Variants in PRKN observed in about 807,000 individuals in gnomAD.
The protein encoded by PRKN is E3 ubiquitin-protein ligase parkin.
PRKN carries 56 observed loss-of-function variants against 59.5 expected under a neutral mutation model. The observed-to-expected ratio is 0.94, with a 90% CI of 0.76 to 1.18. PRKN has a LOEUF of 1.18. Ranked by LOEUF, PRKN falls within the 50% of genes most tolerant of loss-of-function variation. PRKN has a pLI of 0.00. For synonymous variants in PRKN, 250 were observed against 222.1 expected (o/e 1.13, Z -1.12); for missense variants, 657 against 596.4 (o/e 1.10, Z -1.06).
chr6:161,807,537 A>G (rs927110126), intron 6 of PRKN, among the ~76,000 whole-genome samples: 5 of 152,228 alleles, frequency 3.3e-5, no homozygotes, highest in African/African-American at 9.6e-5. Flanking sequence ...TAGAAAGTCA[A>G]AAACCAAAGG....
chr6:162,650,342 A>C (rs1331905348), intron 1 of PRKN, among the ~76,000 whole-genome samples: 1 of 152,126 alleles, frequency 6.6e-6, no homozygotes. Flanking sequence ...TCACGCCTGT[A>C]ATCCCAGCAC....
chr6:161,368,016 C>T (rs917294331), intron 10 of PRKN, among the ~76,000 whole-genome samples: 1 of 152,016 alleles, frequency 6.6e-6, no homozygotes, highest in African/African-American at 2.4e-5. Flanking sequence ...CCCCTGCAGC[C>T]TTGATTTCTT....
At chr6:161,969,543 G>T (rs1780719941) in intron 6 of PRKN, among the ~76,000 whole-genome samples, 1 of 152,052 alleles carries the variant, frequency 6.6e-6, no homozygotes, top group South Asian at 2.1e-4. Context: ...CCTAGAGGTG[G>T]TTAGTGAGGG....
intron 1 of PRKN, among the ~76,000 whole-genome samples, chr6:162,502,090 T>C (rs1793402170): frequency 1.3e-5 from 2 of 152,194 alleles, no homozygotes; most frequent in South Asian, 4.1e-4. Flanking sequence ...AGTTAAAATA[T>C]ATGTACACTT....
Position 161,882,397 on chromosome 6 carries a change from G to C in PRKN, c.734+90905C>G, listed in dbSNP as rs568685201. On this transcript the variant is annotated intron_variant, in intron 6 of 11. Coordinates refer to ENST00000366898, the MANE Select transcript of PRKN (RefSeq NM_004562.3). Reference sequence around the variant, plus strand: ...AGGTGGTGCGGCCCTCCAGGGAGGGGAGGCTGCGGCAGGCAGTGAGCCGCC... The same window carrying C: ...AGGTGGTGCGGCCCTCCAGGGAGGGCAGGCTGCGGCAGGCAGTGAGCCGCC... 5.3e-5 allele frequency among the ~76,000 whole-genome samples: 8 copies of C among 152,268 alleles called. No homozygotes were observed. In the South Asian group the frequency reaches 1.7e-3, roughly 32 times the overall value.
intron 1 of PRKN, among the ~76,000 whole-genome samples, chr6:162,619,694 CT>C (rs879725511): frequency 5.3e-5 from 6 of 112,810 alleles, no homozygotes; most frequent in Admixed American, 4.5e-4. Flanking sequence ...GGTATCTATC[CT>C]TTCACTTTTT....
chr6:161,352,755 G>GCATATATATATATA lies in PRKN; in HGVS notation c.1286-2545_1286-2544insTATATATATATATG, dbSNP rs1784600902. On this transcript the variant is annotated intron_variant, in intron 11 of 11. Transcript: ENST00000366898. This position sits in a 1 kb window ranked among gnomAD's most constrained non-coding sequence, Gnocchi z 5.8. ...TGTGTGTGTGTGTGTGTGTGTGTGT[G>GCATATATATATATA]TATATATATATATATATTTTATTTT... is the stretch of plus-strand genomic sequence containing the variant. Among the ~76,000 whole-genome samples the GCATATATATATATA allele has an allele frequency of 7.4e-6, 1 of 134,378 alleles. No homozygotes were observed. The highest frequency in any genetic ancestry group is 2.8e-5 in the African/African-American group (1 of 35,726). 88.2% of individuals were successfully genotyped at this position (134,378 alleles called of 152,430 possible).
intron 6 of PRKN, among the ~76,000 whole-genome samples, chr6:161,933,573 C>T (rs766826127): frequency 5.3e-5 from 8 of 152,172 alleles, no homozygotes; most frequent in Non-Finnish European, 1.2e-4. Flanking sequence ...GTCACAGTTC[C>T]CCTGCAAACA....
At chr6:162,100,886 GA>G (rs1779942558) in intron 4 of PRKN, among the ~76,000 whole-genome samples, 1 of 152,194 alleles carries the variant, frequency 6.6e-6, no homozygotes, top group South Asian at 2.1e-4. Flanking sequence ...CTTCTTTTGA[GA>G]AAAGTTTATT....
chr6:161,512,298 CCCT>C (rs1778421728), intron 9 of PRKN, among the ~76,000 whole-genome samples: 1 of 146,890 alleles, frequency 6.8e-6, no homozygotes, highest in Non-Finnish European at 1.5e-5. Flanking sequence ...AATGACCCCC[CCCT>C]GAAAATCAAA....
chr6:162,268,433 C>A (rs1201647738), intron 2 of PRKN, among the ~76,000 whole-genome samples: 1 of 152,178 alleles, frequency 6.6e-6, no homozygotes, highest in Non-Finnish European at 1.5e-5. Flanking sequence ...ATACCAACAC[C>A]TTGACCTTGG....
intron 9 of PRKN, among the ~76,000 whole-genome samples, chr6:161,433,206 CTTACA>C (rs1030167835): frequency 2.0e-5 from 3 of 152,160 alleles, no homozygotes; most frequent in African/African-American, 7.2e-5. Flanking sequence ...TTATTTAGTG[CTTACA>C]TTAATTAAAA....
At chr6:161,594,486 G>T (rs1223874313) in intron 7 of PRKN, among the ~76,000 whole-genome samples, 1 of 152,182 alleles carries the variant, frequency 6.6e-6, no homozygotes, top group East Asian at 1.9e-4. Flanking sequence ...ACAAATTCAT[G>T]TCACTTCTTT....
intron 6 of PRKN, among the ~76,000 whole-genome samples, chr6:161,852,736 G>A (rs193202071): frequency 1.0e-3 from 159 of 152,262 alleles, no homozygotes; most frequent in Admixed American, 2.9e-3. Flanking sequence ...AGCAGATGAC[G>A]AATGGCTCTA....
intron 7 of PRKN, among the ~76,000 whole-genome samples, chr6:161,728,522 C>T (rs1295635502): frequency 6.6e-6 from 1 of 152,102 alleles, no homozygotes; most frequent in Non-Finnish European, 1.5e-5. Context: ...AGCAGGAGAA[C>T]CAGGCTGCAC....
In PRKN at chr6:161,357,871, C is replaced by A. The variant is rs1784821527; in HGVS notation, c.1285+2217G>T. ...TTGATGCACCGTCTCTGTTACTCCTCCTGCCCATGCTGTGAGGAAGTCCCA... is the reference window on the plus strand; with the variant it reads ...TTGATGCACCGTCTCTGTTACTCCTACTGCCCATGCTGTGAGGAAGTCCCA... On this transcript the variant is annotated intron_variant, in intron 11 of 11. Coordinates refer to ENST00000366898, the MANE Select transcript of PRKN (RefSeq NM_004562.3). This position sits in a 1 kb window ranked among gnomAD's most constrained non-coding sequence, Gnocchi z 5.5. Among the ~76,000 whole-genome samples the A allele has an allele frequency of 6.6e-6, 1 of 152,202 alleles. No homozygotes were observed.
chr6:161,610,492 TACAC>T (rs370179659), intron 7 of PRKN, among the ~76,000 whole-genome samples: 6,327 of 139,794 alleles, frequency 0.045, 318 homozygotes, highest in African/African-American at 0.12. Context: ...ATATTAATAA[TACAC>T]ACACACACAC....
At chr6:162,348,850 T>C (rs545191320) in intron 2 of PRKN, among the ~76,000 whole-genome samples, 33 of 152,080 alleles carry the variant, frequency 2.2e-4, no homozygotes, top group African/African-American at 7.5e-4. Context: ...AGCAAATTAG[T>C]TGAGATAGTA....
rs981230830 is a variant in PRKN, at chr6:161,391,364, A to T, written c.1084-4487T>A. ...TACCAGGAAACATGGAGTCCTGTTTATACCGTATACATTTTCAGGATTGTC... is the reference window on the plus strand; with the variant it reads ...TACCAGGAAACATGGAGTCCTGTTTTTACCGTATACATTTTCAGGATTGTC... On this transcript the variant is annotated intron_variant, in intron 9 of 11. Transcript: ENST00000366898. This position sits in a 1 kb window ranked among gnomAD's most constrained non-coding sequence, Gnocchi z 4.9. 1.3e-5 allele frequency among the ~76,000 whole-genome samples: 2 copies of T among 152,062 alleles called. No individual in the cohort carries two copies. Among genetic ancestry groups the T allele is most frequent in the Admixed American group, 6.6e-5 (1 of 15,266 alleles).
Sources: allele counts gnomAD v4.1 joint callset (sites outside exome capture counted in the v4.1 genomes callset), GRCh38; gene constraint gnomAD v4.1.1; non-coding constraint Gnocchi (gnomAD v3.1); transcripts MANE v1.5; gene names NCBI Gene and HGNC (gene_info 2026-07-23, HGNC 2026-07-21).